CCDC38: variants seen among roughly 807,000 people sequenced by gnomAD.
CCDC38 encodes the protein coiled-coil domain containing 38, also known as coiled-coil domain-containing protein 38.
A neutral mutation model predicts 72.8 loss-of-function variants in CCDC38; 69 were observed. The observed-to-expected ratio is 0.95, with a 90% CI of 0.78 to 1.16. The LOEUF is 1.16. Ranked by LOEUF, CCDC38 falls within the 50% of genes most tolerant of loss-of-function variation. The pLI is 0.00. For synonymous variants in CCDC38, 201 were observed against 213.2 expected, an observed-to-expected ratio of 0.94 and a Z score of 0.50; for missense variants, 626 against 638.9, an observed-to-expected ratio of 0.98 and a Z score of 0.22.
chr12:95,930,904 T>C (rs1331196789), intron 2 of CCDC38, among the ~76,000 whole-genome samples: 1 of 152,182 alleles, frequency 6.6e-6, no homozygotes, highest in Non-Finnish European at 1.5e-5. Context: ...CTCTAAACTC[T>C]AGATCTCTTC....
intron 5 of CCDC38, among the ~76,000 whole-genome samples, chr12:95,902,419 G>C (rs947490675): frequency 6.6e-6 from 1 of 152,034 alleles, no homozygotes; most frequent in Non-Finnish European, 1.5e-5. Context: ...CCTGTCTTCT[G>C]TCACTATAGA....
At chr12:95,895,933 G>A (rs1346825608) in intron 7 of CCDC38, among the ~76,000 whole-genome samples, 1 of 151,304 alleles carries the variant, frequency 6.6e-6, no homozygotes, top group Non-Finnish European at 1.5e-5. Context: ...GCGCATGCCT[G>A]TAATCCCAGC....
chr12:95,895,222 A>T (rs865856474), intron 7 of CCDC38, 76 bp from the exon 8 acceptor site: 3 of 1,063,360 alleles, frequency 2.8e-6, no homozygotes, highest in African/African-American at 1.6e-5. Flanking sequence ...TTTTTATAAA[A>T]TTGTTTCTCT....
rs1213172295 is a variant in CCDC38 at position 95,872,240 on chromosome 12, C to G, written c.1484+15G>C. The G allele has an allele frequency of 1.9e-6, 3 of 1,610,672 alleles. No individual in the cohort carries two copies. The African/African-American group carries it at 4.0e-5, about 22-fold the overall frequency. ...CAGCTACTCATTAAGTCATTCTTAT[C>G]CTTATTGACTGTACTTTTGCCGCCA... On this transcript the variant is annotated intron_variant, in intron 14 of 15. Coordinates refer to ENST00000344280, the MANE Select transcript of CCDC38 (RefSeq NM_182496.3).
chr12:95,873,854 T>C (rs2079607926), intron 13 of CCDC38, among the ~76,000 whole-genome samples: 1 of 152,230 alleles, frequency 6.6e-6, no homozygotes, highest in Non-Finnish European at 1.5e-5. Context: ...AGCTTTTCTC[T>C]TCCACCTCCT....
chr12:95,894,904 T>G, intron 8 of CCDC38, 85 bp downstream of exon 8: 1 of 1,123,246 alleles, frequency 8.9e-7, no homozygotes, highest in Non-Finnish European at 1.3e-6. Context: ...CTTAAAAAAA[T>G]ATCTATTTAG....
At position 95,871,101 on chromosome 12, in the gene CCDC38, C is replaced by T. The variant is rs117715131; in HGVS notation, c.1484+1154G>A. Among the ~76,000 whole-genome samples the T allele has an allele frequency of 7.6e-4, 116 of 152,254 alleles. No homozygotes were observed. The East Asian group carries it at 0.018, about 23-fold the overall frequency. On this transcript the variant is annotated intron_variant, in intron 14 of 15. Transcript: ENST00000344280. ...CCTCTCAACATGTTTTTTGCCATTA[C>T]GTGAACATTATCCCACTTGTAAACA...
chr12:95,906,964 C>T (rs1364923573), intron 4 of CCDC38, among the ~76,000 whole-genome samples: 1 of 150,924 alleles, frequency 6.6e-6, no homozygotes, highest in African/African-American at 2.4e-5. Context: ...GGCAGAGGAC[C>T]CTGCGGCCTT....
chr12:95,884,752 T>G (rs1010039028), intron 10 of CCDC38, among the ~76,000 whole-genome samples: 16 of 152,242 alleles, frequency 1.1e-4, no homozygotes, highest in Admixed American at 2.6e-4. Flanking sequence ...TCACATGGCA[T>G]TCTCCCTGTG....
chr12:95,899,769 G>C (rs998654409), intron 5 of CCDC38, among the ~76,000 whole-genome samples: 1 of 152,096 alleles, frequency 6.6e-6, no homozygotes. Flanking sequence ...ACTTTATTCC[G>C]CAAGTACTTA....
At chr12:95,920,847 G>C (rs1044733297) in intron 2 of CCDC38, among the ~76,000 whole-genome samples, 2 of 151,952 alleles carry the variant, frequency 1.3e-5, no homozygotes, top group Non-Finnish European at 2.9e-5. Flanking sequence ...AAGCAAAAGA[G>C]GGCCGGGCGC....
intron 2 of CCDC38, among the ~76,000 whole-genome samples, chr12:95,921,754 GA>G (rs1555231765): frequency 5.6e-5 from 1 of 17,818 alleles, no homozygotes; most frequent in African/African-American, 5.5e-4. Flanking sequence ...TCAGAGATAG[GA>G]AGATAGGAAG....
At chr12:95,906,826 T>G (rs958109031) in intron 4 of CCDC38, among the ~76,000 whole-genome samples, 3 of 148,886 alleles carry the variant, frequency 2.0e-5, no homozygotes, top group African/African-American at 7.6e-5. Flanking sequence ...ATTTATTTAT[T>G]TATTTGTTTG....
Position 95,890,822 on chromosome 12 carries a change from C to T in CCDC38, c.871+10G>A, listed in dbSNP as rs756873395. On this transcript the variant is annotated intron_variant, in intron 9 of 15. Coordinates refer to ENST00000344280, the MANE Select transcript of CCDC38 (RefSeq NM_182496.3). ...GGTTTTACTTTCATGAGTCCCAAAT[C>T]TACCTTTACCTTGGCTGTCTCTTCC... The T allele has an allele frequency of 1.3e-6, 2 of 1,549,244 alleles. No individual in the cohort carries two copies. The highest frequency in any genetic ancestry group is 2.3e-5 in the South Asian group (2 of 87,584).
intron 4 of CCDC38, among the ~76,000 whole-genome samples, chr12:95,909,538 C>T (rs2080067942): frequency 6.6e-6 from 1 of 152,114 alleles, no homozygotes; most frequent in African/African-American, 2.4e-5. Flanking sequence ...GGGATTCCTC[C>T]CTAACTCATC....
chr12:95,900,500 C>A (rs10859976), intron 5 of CCDC38, among the ~76,000 whole-genome samples: 35,020 of 152,052 alleles, frequency 0.23, 4,392 homozygotes, highest in East Asian at 0.43. Context: ...AAAATTTCAA[C>A]GTGTTATTGA....
At position 95,878,282 on chromosome 12, in the gene CCDC38, C is replaced by T. The variant is rs749769190; in HGVS notation, c.1207G>A (p.Glu403Lys). Residue 403 changes from glutamate to lysine, a missense_variant, in exon 13 of 16, where the codon GAA (glutamate) becomes AAA (lysine). Glu to Lys is a moderately conservative substitution (Grantham distance 56). Coordinates refer to ENST00000344280, the MANE Select transcript of CCDC38 (RefSeq NM_182496.3). ...KMLKANCVRE[E>K]EKAAELQLKS... ...AATTGCAATTCTGCTGCTTTCTCTT[C>T]TTCTCTCACACAGTTAGCTTTAAGC... The T allele has an allele frequency of 1.1e-5, 18 of 1,613,690 alleles. No individual in the cohort carries two copies. Among genetic ancestry groups the T allele is most frequent in the South Asian group, 3.3e-5 (3 of 91,076 alleles).
At chr12:95,933,312 C>A (rs2080357548) in intron 2 of CCDC38, 2 of 152,028 alleles carry the variant, frequency 1.3e-5, no homozygotes, top group African/African-American at 2.4e-5. Flanking sequence ...TTGGGATATA[C>A]CACATCTACA....
At chr12:95,942,639 C>T (rs1212029190), upstream of CCDC38, 1 of 152,430 alleles carries the variant, frequency 6.6e-6, no homozygotes, top group African/African-American at 2.4e-5. Flanking sequence ...CCGCGCGGAC[C>T]CAGGAGCACC....
Sources: gnomAD v4.1 joint callset for allele counts (sites outside exome capture counted in the v4.1 genomes callset) on GRCh38, gnomAD v4.1.1 for gene constraint, MANE v1.5 for transcripts, NCBI Gene and HGNC (gene_info 2026-07-23, HGNC 2026-07-21) for gene names.